SLC2A5: variants seen among roughly 807,000 people sequenced by gnomAD.
The protein encoded by SLC2A5 is solute carrier family 2 member 5.
Under a neutral mutation model 50.3 loss-of-function variants are expected in SLC2A5, and 56 were observed. The ratio of observed to expected loss-of-function variants is 1.11; its 90% CI spans 0.90 to 1.39. The LOEUF (loss-of-function observed/expected upper bound fraction) is 1.39, where lower values mean the gene tolerates loss of function less well. SLC2A5 is among the 40% of genes most tolerant of loss of function. SLC2A5 has a pLI of 0.00. For missense variants in SLC2A5, 566 were observed against 650.1 expected, an observed-to-expected ratio of 0.87 and a Z score of 1.41; for synonymous variants, 269 against 281.9, an observed-to-expected ratio of 0.95 and a Z score of 0.46.
At chr1:9,038,150 G>A (rs1346132051) in intron 10 of SLC2A5, 126 bp from the exon 11 acceptor site, 8 of 1,168,390 alleles carry the variant, frequency 6.8e-6, no homozygotes, top group South Asian at 1.5e-5. Flanking sequence ...TGGGCATGTG[G>A]GGCAGCACGT....
At chr1:9,039,752 G>A (rs1641246129) in intron 7 of SLC2A5, 48 bp downstream of exon 7, 1 of 1,313,748 alleles carries the variant, frequency 7.6e-7, no homozygotes, top group Admixed American at 3.0e-5. Context: ...CCTGCGCCCC[G>A]CGCCCCCCGA....
chr1:9,038,989 C>T lies in SLC2A5; in HGVS notation c.997-60G>A, dbSNP rs542869287. The T allele has an allele frequency of 1.1e-4, 179 of 1,570,458 alleles. No homozygotes were observed. In the African/African-American group the frequency reaches 2.2e-3, roughly 20 times the overall value. On this transcript the variant is annotated intron_variant, in intron 8 of 11. Coordinates refer to ENST00000377424, the MANE Select transcript of SLC2A5 (RefSeq NM_003039.3). ...CCCAGCTTCACCTCCCTCCAGCCCCCTCCAATGGGGCAGCTGTGAGGAGAG... is the reference window on the plus strand; with the variant it reads ...CCCAGCTTCACCTCCCTCCAGCCCCTTCCAATGGGGCAGCTGTGAGGAGAG...
At chr1:9,073,487 C>T (rs1393633418), upstream of SLC2A5, among the ~76,000 whole-genome samples, 2 of 152,198 alleles carry the variant, frequency 1.3e-5, no homozygotes, top group Non-Finnish European at 2.9e-5. Flanking sequence ...AGATTGAAGC[C>T]CCACAGGACA....
chr1:9,084,542 C>T (rs907434353), intron 2 of SLC2A5, among the ~76,000 whole-genome samples: 4 of 152,260 alleles, frequency 2.6e-5, no homozygotes, highest in Admixed American at 1.3e-4. Context: ...AGAAACATTA[C>T]ACAAATCAGC....
the SLC2A5 span, among the ~76,000 whole-genome samples, chr1:9,093,771 C>T: frequency 6.6e-5 from 10 of 152,024 alleles, no homozygotes; most frequent in East Asian, 3.9e-4. Context: ...TCCTTTTTTT[C>T]GGAGACCTGG....
chr1:9,090,204 ATAT>A (rs148100616), upstream of SLC2A5, among the ~76,000 whole-genome samples: 588 of 152,224 alleles, frequency 3.9e-3, 2 homozygotes, highest in African/African-American at 0.013. Context: ...CCACTCTTAT[ATAT>A]TATTATGTCA....
intron 1 of SLC2A5, among the ~76,000 whole-genome samples, chr1:9,059,300 G>A (rs1467100759): frequency 2.0e-5 from 3 of 151,590 alleles, no homozygotes; most frequent in South Asian, 2.1e-4. Flanking sequence ...CCGCCACCAC[G>A]CCTGGCTAAT....
chr1:9,047,138 C>T (rs1641455309), intron 4 of SLC2A5, among the ~76,000 whole-genome samples: 3 of 152,156 alleles, frequency 2.0e-5, no homozygotes, highest in Admixed American at 2.0e-4. Flanking sequence ...GTATTCTTTA[C>T]AGCAGTGTGA....
intron 3 of SLC2A5, among the ~76,000 whole-genome samples, chr1:9,049,744 A>G (rs1641523737): frequency 6.7e-6 from 1 of 149,450 alleles, no homozygotes; most frequent in African/African-American, 2.5e-5. Context: ...TCAATGGAAC[A>G]GAACAGAGAG....
chr1:9,066,460 T>C (rs952310063), intron 1 of SLC2A5, among the ~76,000 whole-genome samples: 1 of 152,130 alleles, frequency 6.6e-6, no homozygotes, highest in Non-Finnish European at 1.5e-5. Flanking sequence ...GTCCCAAACT[T>C]GTGGGCTCAA....
intron 4 of SLC2A5, among the ~76,000 whole-genome samples, chr1:9,042,596 T>G: frequency 7.1e-6 from 1 of 140,780 alleles, no homozygotes; most frequent in Admixed American, 6.9e-5. Context: ...ATGGCCTCTG[T>G]GTGTGTGTGT....
At chr1:9,077,033 C>T (rs890418457) in intron 2 of SLC2A5, among the ~76,000 whole-genome samples, 14 of 151,164 alleles carry the variant, frequency 9.3e-5, no homozygotes, top group Non-Finnish European at 1.6e-4. Context: ...GTGATCCGCT[C>T]GCCTCAGCCT....
intron 1 of SLC2A5, among the ~76,000 whole-genome samples, chr1:9,065,872 C>G (rs1642066871): frequency 1.3e-5 from 2 of 152,108 alleles, no homozygotes; most frequent in African/African-American, 4.8e-5. Context: ...ATCTCTTGAG[C>G]CCAGGAGGCT....
intron 3 of SLC2A5, among the ~76,000 whole-genome samples, chr1:9,055,536 T>A (rs1641729300): frequency 6.7e-6 from 1 of 149,260 alleles, no homozygotes; most frequent in Non-Finnish European, 1.5e-5. Context: ...TAAATAAAAA[T>A]AAAGTGAGGA....
chr1:9,070,763 T>C (rs1485909290), upstream of SLC2A5, among the ~76,000 whole-genome samples: 1 of 152,130 alleles, frequency 6.6e-6, no homozygotes, highest in East Asian at 1.9e-4. Flanking sequence ...TTAGGCACTG[T>C]TCCTTGCATT....
upstream of SLC2A5, among the ~76,000 whole-genome samples, chr1:9,072,597 A>T (rs1484036622): frequency 1.3e-5 from 2 of 151,972 alleles, no homozygotes; most frequent in African/African-American, 2.4e-5. Context: ...AGGATGGAAA[A>T]TTGACAATCA....
In SLC2A5 at chr1:9,038,457, TAGG is replaced by T; in HGVS notation, c.1145_1147del (p.Ser382del). The T allele has an allele frequency of 6.2e-7, 1 of 1,613,550 alleles. No individual in the cohort carries two copies. Among genetic ancestry groups the T allele is most frequent in the Non-Finnish European group, 8.5e-7 (1 of 1,179,750 alleles). ...GGGCCCGAGGGCATGTCCTATGACG[TAGG>T]AGATGACACAGACGATGCTGATGTA... On this transcript the variant is annotated inframe_deletion, in exon 10 of 12. Transcript: ENST00000377424.
chr1:9,070,597 G>A (rs756577361), upstream of SLC2A5, among the ~76,000 whole-genome samples: 2 of 152,140 alleles, frequency 1.3e-5, no homozygotes, highest in East Asian at 1.9e-4. Context: ...GCACACCAGC[G>A]CAAGTGGCCA....
upstream of SLC2A5, chr1:9,069,697 C>G (rs1480936493): frequency 1.4e-6 from 1 of 713,506 alleles, no homozygotes; most frequent in Non-Finnish European, 2.4e-6. Context: ...CTTTCAGGAA[C>G]CTGGTCTTCC....
Sources: allele counts gnomAD v4.1 joint callset (sites outside exome capture counted in the v4.1 genomes callset), GRCh38; gene constraint gnomAD v4.1.1; transcripts MANE v1.5; gene names NCBI Gene and HGNC (gene_info 2026-07-23, HGNC 2026-07-21).